Variants in PPP6R2 observed in about 807,000 individuals in gnomAD.
PPP6R2 encodes serine/threonine-protein phosphatase 6 regulatory subunit 2.
Under a neutral mutation model 100.2 loss-of-function variants are expected in PPP6R2, and 62 were observed. The ratio of observed to expected loss-of-function variants is 0.62; its 90% CI spans 0.50 to 0.76. PPP6R2 has a LOEUF of 0.76. PPP6R2 is among the 30% of genes least tolerant of loss of function. The pLI is 0.00. For synonymous variants in PPP6R2, 525 were observed against 514.7 expected, an observed-to-expected ratio of 1.02 and a Z score of -0.27; for missense variants, 1,142 against 1,276.3, an observed-to-expected ratio of 0.89 and a Z score of 1.60.
At chr22:50,421,394 G>GTACA in intron 8 of PPP6R2, among the ~76,000 whole-genome samples, 1 of 152,298 alleles carries the variant, frequency 6.6e-6, no homozygotes, top group South Asian at 2.1e-4. Context: ...CCACGTGGGA[G>GTACA]TACAGCAGCA....
intron 3 of PPP6R2, among the ~76,000 whole-genome samples, chr22:50,401,000 C>G (rs1413785361): frequency 6.6e-6 from 1 of 152,096 alleles, no homozygotes; most frequent in Non-Finnish European, 1.5e-5. Flanking sequence ...TGGCCTACAT[C>G]TGAGAGACTT....
rs930313287 is a variant in PPP6R2, at chr22:50,435,136, G to A, written c.1516+55G>A. On this transcript the variant is annotated intron_variant, in intron 13 of 23. Transcript: ENST00000612753. ...TGGTCGCGGGCACCGGGACCCCGAA[G>A]GAGCTGCCGCCTGAGACTAAGCTCT... 1.8e-5 allele frequency: 25 copies of A among 1,390,550 alleles called. No homozygotes were observed. The African/African-American group carries it at 3.5e-4, about 20-fold the overall frequency. The allele number at this position is 1,390,550 out of a possible 1,614,324, so 86.1% of individuals were successfully genotyped here. A position where few individuals can be genotyped will look rare whatever the true frequency, so the allele number is the denominator to read the frequency against.
Position 50,425,881 on chromosome 22 carries a change from G to GTT in PPP6R2, c.1125+2278_1125+2279dup, listed in dbSNP as rs549811034. ...CATTTTTGAATTGAGTTTTTTTTTT[G>GTT]TTTTTTTTTTTTAGTTTTAGAAGTT... On this transcript the variant is annotated intron_variant, in intron 10 of 23. Transcript: ENST00000612753. 7.4e-3 allele frequency among the ~76,000 whole-genome samples: 1,027 copies of GTT among 138,470 alleles called. 8 individuals are homozygous for GTT. The highest frequency in any genetic ancestry group is 0.025 in the African/African-American group (955 of 37,464). The allele number at this position is 138,470 out of a possible 152,430, so 90.8% of individuals were successfully genotyped here. A position where few individuals can be genotyped will look rare whatever the true frequency, so the allele number is the denominator to read the frequency against.
At chr22:50,365,010 T>C (rs1488815973) in intron 1 of PPP6R2, among the ~76,000 whole-genome samples, 1 of 152,136 alleles carries the variant, frequency 6.6e-6, no homozygotes, top group Non-Finnish European at 1.5e-5. Context: ...CTTTGGGTCT[T>C]TGTATATCTT....
chr22:50,338,809 GGT>G (rs376096985), upstream of PPP6R2, among the ~76,000 whole-genome samples: 52,504 of 119,470 alleles, frequency 0.44, 13,286 homozygotes, highest in African/African-American at 0.69. Flanking sequence ...TACGGTGTCT[GGT>G]GTGTGTGTGT....
chr22:50,369,649 G>A (rs1432912497), intron 1 of PPP6R2, among the ~76,000 whole-genome samples: 1 of 152,160 alleles, frequency 6.6e-6, no homozygotes, highest in East Asian at 1.9e-4. Flanking sequence ...GAGTATCTGG[G>A]ATTAGAGGCG....
In PPP6R2 at chr22:50,419,351, A is replaced by G; in HGVS notation, c.734A>G (p.Gln245Arg). The G allele has an allele frequency of 6.2e-7, 1 of 1,612,448 alleles. No individual in the cohort carries two copies. The highest frequency in any genetic ancestry group is 8.5e-7 in the Non-Finnish European group (1 of 1,178,452). Reference sequence around the variant, plus strand: ...TGACCTCTGTGTGTGTCCAGCAGGCAGGACTGTGTGGAGCAGCTTCTGAAG... The same window carrying G: ...TGACCTCTGTGTGTGTCCAGCAGGCGGGACTGTGTGGAGCAGCTTCTGAAG... ...PDPLLTALESQDCVEQLLKNM... is the reference protein window; with the variant it reads ...PDPLLTALESRDCVEQLLKNM... The change falls in exon 8 of 24, where the codon CAG becomes CGG. Residue 245 changes from glutamine (Q) to arginine (R), a missense_variant and splice_region_variant. Gln to Arg is a conservative substitution (Grantham distance 43). Around this residue, in one of 2 missense-constraint regions of PPP6R2, gnomAD observed 592 missense variants for 758.9 expected, o/e 0.78. Coordinates refer to ENST00000612753, the MANE Select transcript of PPP6R2 (RefSeq NM_001242898.2).
intron 1 of PPP6R2, among the ~76,000 whole-genome samples, chr22:50,353,690 G>T (rs2045819777): frequency 6.6e-6 from 1 of 152,058 alleles, no homozygotes; most frequent in African/African-American, 2.4e-5. Context: ...CACAATGAAG[G>T]GAAGCACGTT....
At chr22:50,441,477 C>T (rs964036705) in intron 22 of PPP6R2, among the ~76,000 whole-genome samples, 2 of 152,186 alleles carry the variant, frequency 1.3e-5, no homozygotes, top group African/African-American at 4.8e-5. Context: ...GGCGAGCGGG[C>T]ATCTGTGGGG....
intron 2 of PPP6R2, among the ~76,000 whole-genome samples, chr22:50,392,272 AG>A (rs1464261922): frequency 6.8e-6 from 1 of 146,628 alleles, no homozygotes; most frequent in East Asian, 2.2e-4. Context: ...GAGGCCAAGG[AG>A]GGCAGATTGC....
intron 8 of PPP6R2, among the ~76,000 whole-genome samples, chr22:50,419,702 C>T (rs1055254801): frequency 2.6e-5 from 4 of 152,336 alleles, no homozygotes; most frequent in Non-Finnish European, 4.4e-5. Context: ...GACCAGTTGG[C>T]GATGCATTTG....
At chr22:50,339,727 T>TGG (rs2042348147), upstream of PPP6R2, among the ~76,000 whole-genome samples, 1 of 130,118 alleles carries the variant, frequency 7.7e-6, no homozygotes, top group African/African-American at 3.0e-5. Context: ...AGGGTGTGTG[T>TGG]TGTGTGTGTG....
intron 1 of PPP6R2, among the ~76,000 whole-genome samples, chr22:50,351,065 A>G: frequency 1.2e-5 from 1 of 84,106 alleles, no homozygotes; most frequent in African/African-American, 4.5e-5. Flanking sequence ...TTTGAGACAG[A>G]GTTTCACTCT....
chr22:50,337,907 GT>G, the PPP6R2 span, among the ~76,000 whole-genome samples: 8 of 138,980 alleles, frequency 5.8e-5, no homozygotes, highest in African/African-American at 2.1e-4. Context: ...GGTCTGTGTG[GT>G]GTAGTGTGTG....
rs909418136 is a variant in PPP6R2, at chr22:50,431,872, A to G, written c.1336-393A>G. ...CTGTGTCAGGGCCTGGAGGTGAGAG[A>G]AAGTGCTGAGGGCAGACAGCCCTAG... On this transcript the variant is annotated intron_variant, in intron 11 of 23. Coordinates refer to ENST00000612753, the MANE Select transcript of PPP6R2 (RefSeq NM_001242898.2). The surrounding 1 kb of genome is among the most constrained non-coding windows in gnomAD (Gnocchi z 4.8). 6.6e-6 allele frequency among the ~76,000 whole-genome samples: 1 copy of G among 152,162 alleles called. No homozygotes were observed. The highest frequency in any genetic ancestry group is 2.4e-5 in the African/African-American group (1 of 41,426).
intron 1 of PPP6R2, among the ~76,000 whole-genome samples, chr22:50,358,987 A>ACCTCCCCC (rs1296823701): frequency 3.2e-5 from 1 of 31,348 alleles, no homozygotes. Flanking sequence ...GTGTAAAAGA[A>ACCTCCCCC]CCGCCCCCCC....
chr22:50,401,132 A>G (rs1193351849), intron 3 of PPP6R2, among the ~76,000 whole-genome samples: 4 of 152,170 alleles, frequency 2.6e-5, no homozygotes, highest in Non-Finnish European at 5.9e-5. Flanking sequence ...TCCTGGGCTC[A>G]AGTGATCCTC....
chr22:50,343,296 C>A (rs1182064360), upstream of PPP6R2: 4 of 150,172 alleles, frequency 2.7e-5, no homozygotes, highest in Admixed American at 2.0e-4. Flanking sequence ...AGCGGAGACC[C>A]CGCCCCCGGA....
intron 2 of PPP6R2, among the ~76,000 whole-genome samples, chr22:50,375,486 A>G (rs912242686): frequency 6.6e-6 from 1 of 152,170 alleles, no homozygotes; most frequent in Admixed American, 6.6e-5. Flanking sequence ...TAAATAGCCT[A>G]AAGGAGACCC....
Sources: gnomAD v4.1 joint callset for allele counts (sites outside exome capture counted in the v4.1 genomes callset) on GRCh38, gnomAD v4.1.1 for gene constraint, gnomAD v4.1.1 regional missense constraint, Gnocchi (gnomAD v3.1) non-coding constraint, MANE v1.5 for transcripts, NCBI Gene and HGNC (gene_info 2026-07-23, HGNC 2026-07-21) for gene names.